CERS6: variants seen among roughly 807,000 people sequenced by gnomAD.
The protein encoded by CERS6 is ceramide synthase 6.
CERS6 carries 26 observed loss-of-function variants against 56.8 expected under a neutral mutation model. The ratio of observed to expected loss-of-function variants is 0.46; its 90% CI spans 0.34 to 0.63. The LOEUF (loss-of-function observed/expected upper bound fraction) is 0.63, where lower values mean the gene tolerates loss of function less well. CERS6 is among the 30% of genes least tolerant of loss of function. The pLI is 0.01. For missense variants in CERS6, 415 were observed against 467.5 expected (o/e 0.89, Z 1.04); for synonymous variants, 164 against 173.3 (o/e 0.95, Z 0.42).
intron 4 of CERS6, among the ~76,000 whole-genome samples, chr2:168,685,079 A>AT (rs933677233): frequency 6.6e-6 from 1 of 152,212 alleles, no homozygotes; most frequent in African/African-American, 2.4e-5. Context: ...TAGAGAACAA[A>AT]TGTCTGTTAG....
intron 2 of CERS6, among the ~76,000 whole-genome samples, chr2:168,556,508 A>G (rs1193510770): frequency 2.6e-5 from 4 of 152,124 alleles, no homozygotes; most frequent in African/African-American, 7.2e-5. Context: ...CTTACTTTCT[A>G]TATCTATATT....
chr2:168,764,649 A>G (rs1684679424), intron 8 of CERS6, among the ~76,000 whole-genome samples: 1 of 151,852 alleles, frequency 6.6e-6, no homozygotes, highest in Non-Finnish European at 1.5e-5. Flanking sequence ...TGCTAGGCAT[A>G]TGGCTTGTAC....
intron 4 of CERS6, among the ~76,000 whole-genome samples, chr2:168,666,514 C>G (rs1685766107): frequency 6.6e-6 from 1 of 152,220 alleles, no homozygotes; most frequent in African/African-American, 2.4e-5. Flanking sequence ...CTTCTTACCT[C>G]TGAATCATAT....
intron 1 of CERS6, among the ~76,000 whole-genome samples, chr2:168,520,626 T>TTTTTTTTTTTTTTTTTTTTTTTTTTC (rs1694961398): frequency 1.1e-5 from 1 of 93,230 alleles, no homozygotes; most frequent in African/African-American, 3.9e-5. Context: ...TTTTTTTTTT[T>TTTTTTTTTTTTTTTTTTTTTTTTTTC]TGAGAAGCAG....
intron 4 of CERS6, among the ~76,000 whole-genome samples, chr2:168,683,698 A>T (rs1279237820): frequency 6.6e-6 from 1 of 152,012 alleles, no homozygotes; most frequent in African/African-American, 2.4e-5. Flanking sequence ...TCCTGTTCTA[A>T]ACATGGAATT....
chr2:168,582,243 T>C (rs1356725751), intron 3 of CERS6, among the ~76,000 whole-genome samples: 1 of 152,104 alleles, frequency 6.6e-6, no homozygotes, highest in Non-Finnish European at 1.5e-5. Context: ...TCCTCCACAT[T>C]AGGTAGGCAC....
rs537861028 is a variant in CERS6 at position 168,469,202 on chromosome 2, C to T, written c.170+12584C>T. Among the ~76,000 whole-genome samples, 149 of 152,240 alleles carry T rather than the reference C, an allele frequency of 9.8e-4. 1 individual carries two copies. Among genetic ancestry groups the T allele is most frequent in the African/African-American group, 3.2e-3 (132 of 41,538 alleles). ...GGAACTTCCATTGGTGTGAATGTGA[C>T]GAACCTAGGCTGACTAAATTAATTC... On this transcript the variant is annotated intron_variant, in intron 1 of 9. Transcript: ENST00000305747.
intron 9 of CERS6, among the ~76,000 whole-genome samples, chr2:168,767,741 C>T (rs1684758885): frequency 6.6e-6 from 1 of 152,136 alleles, no homozygotes; most frequent in South Asian, 2.1e-4. Context: ...GGAGGGAGTC[C>T]AGGATTCTCA....
intron 3 of CERS6, among the ~76,000 whole-genome samples, chr2:168,594,392 C>G (rs565431508): frequency 6.6e-6 from 1 of 152,246 alleles, no homozygotes; most frequent in African/African-American, 2.4e-5. Flanking sequence ...TGAGACCAGC[C>G]TGTGCAACAT....
At chr2:168,685,193 T>C (rs1686316780) in intron 4 of CERS6, among the ~76,000 whole-genome samples, 1 of 152,216 alleles carries the variant, frequency 6.6e-6, no homozygotes, top group East Asian at 1.9e-4. Flanking sequence ...AGATGCTGAT[T>C]TCGAGTAAAT....
intron 3 of CERS6, among the ~76,000 whole-genome samples, chr2:168,565,343 G>T (rs1559000438): frequency 1.3e-5 from 2 of 152,124 alleles, no homozygotes; most frequent in Admixed American, 1.3e-4. Context: ...TGATGACTCA[G>T]GTGGAGTCTG....
intron 1 of CERS6, among the ~76,000 whole-genome samples, chr2:168,540,629 G>T (rs1460535665): frequency 6.6e-6 from 1 of 152,198 alleles, no homozygotes; most frequent in Non-Finnish European, 1.5e-5. Context: ...CTAATCATGT[G>T]ATTCTCAGAA....
intron 1 of CERS6, among the ~76,000 whole-genome samples, chr2:168,496,857 C>G (rs6433070): frequency 6.6e-6 from 1 of 152,060 alleles, no homozygotes; most frequent in African/African-American, 2.4e-5. Context: ...CAGCTTCATG[C>G]CTAACAAGCA....
chr2:168,640,787 T>C (rs571244298), intron 4 of CERS6, among the ~76,000 whole-genome samples: 1 of 152,346 alleles, frequency 6.6e-6, no homozygotes, highest in East Asian at 1.9e-4. Context: ...CAAAGAAGGC[T>C]GAGTTTTCCT....
At chr2:168,661,435 T>A (rs1466177794) in intron 4 of CERS6, among the ~76,000 whole-genome samples, 1 of 152,168 alleles carries the variant, frequency 6.6e-6, no homozygotes, top group Non-Finnish European at 1.5e-5. Flanking sequence ...AGGCAATAAG[T>A]GGAAAGGAGC....
chr2:168,520,438 A>G (rs1332830686), intron 1 of CERS6, among the ~76,000 whole-genome samples: 3 of 151,858 alleles, frequency 2.0e-5, no homozygotes, highest in Non-Finnish European at 4.4e-5. Flanking sequence ...GTTTAATTAG[A>G]TCCCACTTGT....
At chr2:168,620,760 C>CT (rs112105394) in intron 3 of CERS6, among the ~76,000 whole-genome samples, 1,785 of 130,638 alleles carry the variant, frequency 0.014, 35 homozygotes, top group East Asian at 0.087. Flanking sequence ...GGAAATTCAC[C>CT]TTTTTTTTTT....
In CERS6 at chr2:168,728,508, G is replaced by A. The variant is rs887348981; in HGVS notation, c.845+10530G>A. Among the ~76,000 whole-genome samples the A allele has an allele frequency of 5.8e-4, 86 of 148,944 alleles. 1 individual carries two copies. Among genetic ancestry groups the A allele is most frequent in the African/African-American group, 2.0e-3 (82 of 40,306 alleles). ...GGGTTCAAGTGATTCTCCTGACTCA[G>A]CCTCTCAAGTAGCTGGGATTAAAAG... On this transcript the variant is annotated intron_variant, in intron 8 of 9. Transcript: ENST00000305747.
rs1377468741 is a variant in CERS6, at chr2:168,770,375, T to C, written c.*713T>C. The C allele has an allele frequency of 6.6e-6, 1 of 152,274 alleles. No homozygotes were observed. The highest frequency in any genetic ancestry group is 1.5e-5 in the Non-Finnish European group (1 of 68,084). The allele number at this position is 152,274 out of a possible 1,614,324, so 9.4% of individuals were successfully genotyped here. On this transcript the variant is annotated 3_prime_UTR_variant, in exon 10 of 10. Coordinates refer to ENST00000305747, the MANE Select transcript of CERS6 (RefSeq NM_203463.3). Reference sequence around the variant, plus strand: ...GCTAGTTGAGGGTTAACCTTGTAGGTTGCAGAGTGTATTTGTTTGTTTGTT... The same window carrying C: ...GCTAGTTGAGGGTTAACCTTGTAGGCTGCAGAGTGTATTTGTTTGTTTGTT...
Sources: gnomAD v4.1 joint callset for allele counts (sites outside exome capture counted in the v4.1 genomes callset) on GRCh38, gnomAD v4.1.1 for gene constraint, MANE v1.5 for transcripts, NCBI Gene and HGNC (gene_info 2026-07-23, HGNC 2026-07-21) for gene names.